Variants in VRTN observed in about 807,000 individuals in gnomAD.
The protein encoded by VRTN is vertnin.
Under a neutral mutation model 18.2 loss-of-function variants are expected in VRTN, and 5 were observed. The observed-to-expected ratio is 0.27, with a 90% CI of 0.14 to 0.58. The LOEUF (loss-of-function observed/expected upper bound fraction) is 0.58, where lower values mean the gene tolerates loss of function less well. Among genes scored for constraint, VRTN ranks in the 20% least tolerant of loss-of-function variants. VRTN has a pLI of 0.91. For synonymous variants in VRTN, 381 were observed against 393.7 expected (o/e 0.97, Z 0.38); for missense variants, 741 against 939.4 (o/e 0.79, Z 2.76).
intron 1 of VRTN, among the ~76,000 whole-genome samples, chr14:74,331,183 C>T (rs2085520102): frequency 6.7e-6 from 1 of 148,506 alleles, no homozygotes; most frequent in Admixed American, 6.8e-5. Flanking sequence ...GACTGGGGGA[C>T]ACGGTGAGAC....
intron 1 of VRTN, among the ~76,000 whole-genome samples, chr14:74,337,082 C>T (rs1289903061): frequency 3.9e-5 from 6 of 152,150 alleles, no homozygotes; most frequent in Non-Finnish European, 7.3e-5. Context: ...CAGTGGGTCA[C>T]GCCTGTCATC....
intron 1 of VRTN, among the ~76,000 whole-genome samples, chr14:74,350,182 G>GC (rs1337345750): frequency 6.6e-6 from 1 of 152,116 alleles, no homozygotes; most frequent in Non-Finnish European, 1.5e-5. Context: ...TCCCCGTGCA[G>GC]CCCCTACCCT....
rs189161160 is a variant in VRTN, at chr14:74,318,631, C to A, written c.-164+15455C>A. On this transcript the variant is annotated intron_variant, in intron 1 of 2. Coordinates refer to the VRTN transcript ENST00000557177. ...TTCACCATGCTGGCCAGGCTGGTCT[C>A]GGACTCCTGACCTCAGGTGATCCGC... 1.4e-3 allele frequency among the ~76,000 whole-genome samples: 218 copies of A among 150,496 alleles called. 1 individual carries two copies. The highest frequency in any genetic ancestry group is 5.1e-3 in the African/African-American group (207 of 40,896).
chr14:74,307,281 A>C (rs1490456373), intron 1 of VRTN, among the ~76,000 whole-genome samples: 1 of 151,404 alleles, frequency 6.6e-6, no homozygotes, highest in Non-Finnish European at 1.5e-5. Flanking sequence ...GGCACCCGCC[A>C]CCACGCCCGG....
rs151188305 is a variant in VRTN, at chr14:74,319,344, G to C, written c.-164+16168G>C. On this transcript the variant is annotated intron_variant, in intron 1 of 2. Coordinates refer to the VRTN transcript ENST00000557177. ...CCCGGCCCGCGCCTGGCCCCCTCGG[G>C]ATGTATTTTTATAGTATTTTGACAA... 1.4e-3 allele frequency among the ~76,000 whole-genome samples: 219 copies of C among 152,300 alleles called. 1 individual carries two copies. Among genetic ancestry groups the C allele is most frequent in the African/African-American group, 5.0e-3 (208 of 41,570 alleles).
At chr14:74,319,536 G>A (rs1297382898) in intron 1 of VRTN, among the ~76,000 whole-genome samples, 1 of 152,154 alleles carries the variant, frequency 6.6e-6, no homozygotes, top group African/African-American at 2.4e-5. Context: ...GTGAATGATG[G>A]TACCATTTAC....
At chr14:74,308,955 C>T (rs556408651) in intron 1 of VRTN, among the ~76,000 whole-genome samples, 1 of 152,012 alleles carries the variant, frequency 6.6e-6, no homozygotes, top group African/African-American at 2.4e-5. Flanking sequence ...CTCTGCCTCC[C>T]AGGTTAAAGT....
At chr14:74,332,415 C>T (rs966976606) in intron 1 of VRTN, among the ~76,000 whole-genome samples, 3 of 128,880 alleles carry the variant, frequency 2.3e-5, no homozygotes, top group East Asian at 2.4e-4. Flanking sequence ...CTGGAAGTGG[C>T]GCGATCTCGG....
At chr14:74,333,522 C>A (rs879599720) in intron 1 of VRTN, among the ~76,000 whole-genome samples, 12 of 146,878 alleles carry the variant, frequency 8.2e-5, no homozygotes, top group Admixed American at 6.9e-4. Context: ...GTAAAGAAAT[C>A]ATTGAGTAAG....
intron 1 of VRTN, among the ~76,000 whole-genome samples, chr14:74,306,858 AG>A (rs1303599090): frequency 6.6e-6 from 1 of 151,624 alleles, no homozygotes; most frequent in Non-Finnish European, 1.5e-5. Flanking sequence ...CTTCTGCCTC[AG>A]CCTCCCAAAG....
At chr14:74,345,888 C>T (rs149158034), upstream of VRTN, among the ~76,000 whole-genome samples, 11 of 145,292 alleles carry the variant, frequency 7.6e-5, no homozygotes, top group East Asian at 2.3e-3. Flanking sequence ...TGTGCCACTG[C>T]ACTCCAGCCT....
chr14:74,322,576 C>T (rs1490290723), intron 1 of VRTN, among the ~76,000 whole-genome samples: 1 of 152,188 alleles, frequency 6.6e-6, no homozygotes, highest in African/African-American at 2.4e-5. Context: ...AGCATATCCC[C>T]TGAAATTTGC....
chr14:74,321,003 C>T (rs956212822), intron 1 of VRTN, among the ~76,000 whole-genome samples: 25 of 151,434 alleles, frequency 1.7e-4, no homozygotes, highest in African/African-American at 4.6e-4. Context: ...TGAGAATTGC[C>T]CACTGGAAAT....
chr14:74,304,934 G>A (rs1297049345), intron 1 of VRTN, among the ~76,000 whole-genome samples: 1 of 152,138 alleles, frequency 6.6e-6, no homozygotes, highest in Non-Finnish European at 1.5e-5. Context: ...GGTAATCTAG[G>A]TTTACAGATC....
intron 1 of VRTN, among the ~76,000 whole-genome samples, chr14:74,352,659 T>C (rs2085694093): frequency 6.6e-6 from 1 of 152,156 alleles, no homozygotes; most frequent in African/African-American, 2.4e-5. Context: ...GTAATCTTCC[T>C]GCCTCAGCCT....
intron 1 of VRTN, among the ~76,000 whole-genome samples, chr14:74,303,368 T>A (rs1030114900): frequency 6.6e-6 from 1 of 152,048 alleles, no homozygotes; most frequent in Non-Finnish European, 1.5e-5. Flanking sequence ...CTGGGCAACA[T>A]GGCAAGACCC....
chr14:74,349,746 G>T (rs2140210846), intron 1 of VRTN, among the ~76,000 whole-genome samples: 1 of 152,294 alleles, frequency 6.6e-6, no homozygotes, highest in East Asian at 1.9e-4. Flanking sequence ...TAAAGAATGG[G>T]GGAGCGGGGA....
intron 1 of VRTN, among the ~76,000 whole-genome samples, chr14:74,355,372 ATT>A (rs772881568): frequency 6.6e-6 from 1 of 152,162 alleles, no homozygotes; most frequent in African/African-American, 2.4e-5. Context: ...AAGGGAGCTA[ATT>A]TATCAGAAAA....
chr14:74,304,709 C>G (rs1453482775), intron 1 of VRTN, among the ~76,000 whole-genome samples: 4 of 152,080 alleles, frequency 2.6e-5, no homozygotes, highest in Admixed American at 2.6e-4. Context: ...TCCAGCTTTA[C>G]CCCACCCCCT....
Sources: gnomAD v4.1 joint callset for allele counts (sites outside exome capture counted in the v4.1 genomes callset) on GRCh38, gnomAD v4.1.1 for gene constraint, MANE v1.5 for transcripts, NCBI Gene and HGNC (gene_info 2026-07-23, HGNC 2026-07-21) for gene names.